ARHGEF7: variants seen among roughly 807,000 people sequenced by gnomAD.
The protein encoded by ARHGEF7 is Rho guanine nucleotide exchange factor 7, also known as PAK-interacting exchange factor beta.
A neutral mutation model predicts 109.8 loss-of-function variants in ARHGEF7; 33 were observed. The observed-to-expected ratio is 0.30, with a 90% CI of 0.23 to 0.40. The LOEUF is 0.40. Ranked by LOEUF, ARHGEF7 falls within the 10% of genes least tolerant of loss-of-function variation. ARHGEF7 has a pLI of 1.00. For missense variants in ARHGEF7, 938 were observed against 1,098.5 expected, an observed-to-expected ratio of 0.85 and a Z score of 2.07; for synonymous variants, 458 against 424.6, an observed-to-expected ratio of 1.08 and a Z score of -0.97.
At chr13:111,246,434 C>G (rs942450252) in intron 8 of ARHGEF7, among the ~76,000 whole-genome samples, 1 of 152,122 alleles carries the variant, frequency 6.6e-6, no homozygotes, top group Non-Finnish European at 1.5e-5. Flanking sequence ...GTTTACCAAC[C>G]ATGATGAAAA....
chr13:111,251,960 A>G (rs2089839062), intron 8 of ARHGEF7, among the ~76,000 whole-genome samples: 2 of 152,188 alleles, frequency 1.3e-5, no homozygotes, highest in South Asian at 4.1e-4. Flanking sequence ...GCATTCCTTT[A>G]TCCCCAAAAG....
intron 2 of ARHGEF7, among the ~76,000 whole-genome samples, chr13:111,199,042 A>G (rs572663917): frequency 6.6e-6 from 1 of 152,312 alleles, no homozygotes; most frequent in African/African-American, 2.4e-5. Flanking sequence ...TGTGTTTACA[A>G]TCCTTTAGCT....
chr13:111,188,438 A>G (rs2079499778), intron 2 of ARHGEF7, among the ~76,000 whole-genome samples: 1 of 152,182 alleles, frequency 6.6e-6, no homozygotes. Context: ...TGAAGGGTGG[A>G]GCCAAGTGCA....
chr13:111,286,233 C>G lies in ARHGEF7; in HGVS notation c.2037C>G (p.Ser679=), dbSNP rs2093011623. The change falls in exon 17 of 22, where the codon TCC becomes TCG. Residue 679 remains serine (S), a synonymous_variant. Coordinates refer to ENST00000646102, the MANE Select transcript of ARHGEF7 (RefSeq NM_001354046.2). ...AGCCTTCAGATGAGGAGTTCGCGTC[C>G]CGGAAAAGTGAGTACCTGCGGTCCG... ...ERKPSDEEFA[S]RKSTAALEED... 6.2e-7 allele frequency: 1 copy of G among 1,613,550 alleles called. No homozygotes were observed. The highest frequency in any genetic ancestry group is 8.5e-7 in the Non-Finnish European group (1 of 1,179,788).
intron 5 of ARHGEF7, among the ~76,000 whole-genome samples, chr13:111,223,416 T>C (rs1234784224): frequency 6.6e-6 from 1 of 152,244 alleles, no homozygotes; most frequent in Non-Finnish European, 1.5e-5. Flanking sequence ...TTCTGAATTA[T>C]ATTTTAATTT....
chr13:111,209,912 G>T lies in ARHGEF7; in HGVS notation c.378G>T (p.Ser126=). ...GTGACTCCGTGTGTGCCCGGCCCTC[G>T]TCTCACCGCATAAAGTCTTTTGACT... ...LGSDSVCARP[S]SHRIKSFDSL... Residue 126 remains serine (S), a synonymous_variant, in exon 4 of 22, where the codon TCG becomes TCT. Transcript: ENST00000646102. 6.2e-7 allele frequency: 1 copy of T among 1,614,144 alleles called. No homozygotes were observed. Among genetic ancestry groups the T allele is most frequent in the South Asian group, 1.1e-5 (1 of 91,068 alleles).
intron 9 of ARHGEF7, 111 bp downstream of exon 9, chr13:111,267,781 A>C (rs906174518): frequency 5.3e-6 from 7 of 1,320,710 alleles, no homozygotes; most frequent in Non-Finnish European, 7.2e-6. Context: ...AAGGGTATGA[A>C]TTTTAATTAC....
chr13:111,297,383 C>T (rs1210067812), intron 19 of ARHGEF7, among the ~76,000 whole-genome samples: 2 of 152,214 alleles, frequency 1.3e-5, no homozygotes, highest in African/African-American at 4.8e-5. Context: ...TTCCACCTTA[C>T]ATTTGTGTAT....
rs192579364 is a variant in ARHGEF7, at chr13:111,220,192, G to A, written c.670+2312G>A. 2.7e-3 allele frequency among the ~76,000 whole-genome samples: 405 copies of A among 152,340 alleles called. 1 individual carries two copies. In the Middle Eastern group the frequency reaches 0.027, roughly 10 times the overall value. ...CCTGGGCCGAGAGGCCTGAGGTGGC[G>A]CCAGTGGACTTTCCAGGAGGACACT... On this transcript the variant is annotated intron_variant, in intron 5 of 21. Transcript: ENST00000646102.
chr13:111,277,304 T>A (rs577542338), intron 12 of ARHGEF7, among the ~76,000 whole-genome samples: 1 of 152,380 alleles, frequency 6.6e-6, no homozygotes, highest in Non-Finnish European at 1.5e-5. Context: ...GATCTTTTAA[T>A]CAGTCCGTTT....
intron 4 of ARHGEF7, among the ~76,000 whole-genome samples, chr13:111,212,913 T>C (rs1240003915): frequency 2.0e-5 from 3 of 152,198 alleles, no homozygotes; most frequent in Non-Finnish European, 4.4e-5. Context: ...TGGCATCTTA[T>C]ATTGGTTGAC....
chr13:111,221,556 T>C (rs1443673102), intron 5 of ARHGEF7, among the ~76,000 whole-genome samples: 1 of 73,326 alleles, frequency 1.4e-5, no homozygotes, highest in South Asian at 5.2e-4. Flanking sequence ...CATATCTATA[T>C]ATCTATATAT....
intron 8 of ARHGEF7, 100 bp downstream of exon 8, chr13:111,244,394 C>T (rs2088392494): frequency 4.2e-6 from 3 of 721,018 alleles, no homozygotes; most frequent in Non-Finnish European, 6.9e-6. Context: ...TCTAAAGATG[C>T]AAACTTAAGT....
At chr13:111,203,228 A>T in intron 2 of ARHGEF7, 1 of 528,762 alleles carries the variant, frequency 1.9e-6, no homozygotes, top group Non-Finnish European at 2.8e-6. Context: ...GCTGAAAGAC[A>T]TTCAGATCTC....
At chr13:111,219,213 T>A (rs2083513401) in intron 5 of ARHGEF7, among the ~76,000 whole-genome samples, 1 of 152,256 alleles carries the variant, frequency 6.6e-6, no homozygotes, top group Non-Finnish European at 1.5e-5. Context: ...TTCTGCTTTC[T>A]GTCTCTGAAT....
chr13:111,230,993 G>T (rs1020473409), intron 5 of ARHGEF7, among the ~76,000 whole-genome samples: 4 of 152,140 alleles, frequency 2.6e-5, no homozygotes, highest in African/African-American at 4.8e-5. Context: ...GTTGAGTTGT[G>T]AGGTATGTCT....
chr13:111,151,522 C>T (rs750202299), intron 1 of ARHGEF7, among the ~76,000 whole-genome samples: 11 of 152,160 alleles, frequency 7.2e-5, no homozygotes, highest in Non-Finnish European at 1.2e-4. Flanking sequence ...CTCATGAATC[C>T]ACAATTTTAG....
chr13:111,130,983 G>A (rs2074715890), intron 1 of ARHGEF7, among the ~76,000 whole-genome samples: 1 of 152,228 alleles, frequency 6.6e-6, no homozygotes, highest in African/African-American at 2.4e-5. Flanking sequence ...GACGCGGAGA[G>A]ACAGGCAGAG....
chr13:111,204,817 C>T (rs1326146718), intron 2 of ARHGEF7, among the ~76,000 whole-genome samples: 1 of 152,224 alleles, frequency 6.6e-6, no homozygotes, highest in Non-Finnish European at 1.5e-5. Context: ...CCACTCTGCT[C>T]TCTGATGTCC....
Sources: allele counts gnomAD v4.1 joint callset (sites outside exome capture counted in the v4.1 genomes callset), GRCh38; gene constraint gnomAD v4.1.1; transcripts MANE v1.5; gene names NCBI Gene and HGNC (gene_info 2026-07-23, HGNC 2026-07-21).